MTIF2: variants seen among roughly 807,000 people sequenced by gnomAD.
The protein encoded by MTIF2 is translation initiation factor IF-2, mitochondrial.
Under a neutral mutation model 83.5 loss-of-function variants are expected in MTIF2, and 71 were observed. That is an observed-to-expected ratio of 0.85 (90% CI 0.70 to 1.04). MTIF2 has a LOEUF of 1.04. MTIF2 is among the 50% of genes least tolerant of loss of function. MTIF2 has a pLI of 0.00. For synonymous variants in MTIF2, 319 were observed against 287.1 expected, an observed-to-expected ratio of 1.11 and a Z score of -1.12; for missense variants, 957 against 846.5, an observed-to-expected ratio of 1.13 and a Z score of -1.62.
intron 4 of MTIF2, 61 bp from the exon 5 acceptor site, chr2:55,262,488 AT>A (rs376833396): frequency 1.0e-6 from 1 of 985,684 alleles, no homozygotes; most frequent in Non-Finnish European, 1.6e-6. Context: ...GACAATTTAG[AT>A]TTATTCTCAA....
chr2:55,265,717 A>G (rs1678380989), intron 3 of MTIF2, among the ~76,000 whole-genome samples: 1 of 152,034 alleles, frequency 6.6e-6, no homozygotes, highest in African/African-American at 2.4e-5. Context: ...GGTCATATTA[A>G]TTTTGTTTTA....
chr2:55,236,763 AT>A lies in MTIF2; in HGVS notation c.2068del (p.Met690TrpfsTer7). 6.2e-7 allele frequency: 1 copy of A among 1,611,098 alleles called. No homozygotes were observed. Among genetic ancestry groups the A allele is most frequent in the Non-Finnish European group, 8.5e-7 (1 of 1,179,208 alleles). On this transcript the variant is annotated frameshift_variant, in exon 16 of 16. Transcript: ENST00000263629. LOFTEE classifies it high-confidence loss of function. ...KDDISIVKTG[M>X]DCGLSLDEDN... Reference sequence around the variant, plus strand: ...TTCATCTAAACTGAGACCACAATCCATTCCCGTTTTGACAATTGAAATGTCA... The same window carrying A: ...TTCATCTAAACTGAGACCACAATCCATCCCGTTTTGACAATTGAAATGTCA...
chr2:55,262,398 A>G lies in MTIF2; in HGVS notation c.249T>C (p.Ser83=). The change falls in exon 5 of 16, where the codon TCT becomes TCC. Residue 83 remains serine, a synonymous_variant. Transcript: ENST00000263629. ...KEEGPWKSQL[S]STKSKKVVEV... ...CTACCACCTTTTTAGATTTTGTTGA[A>G]GATAACTGAGATTTCCATGGTCCTT... 1 of 1,613,160 alleles carries G rather than the reference A, an allele frequency of 6.2e-7. No homozygotes were observed. Among genetic ancestry groups the G allele is most frequent in the East Asian group, 2.2e-5 (1 of 44,818 alleles).
chr2:55,243,612 ACCTTTCT>A lies in MTIF2; in HGVS notation c.1361_1367del (p.Glu454ValfsTer5). 6.2e-7 allele frequency: 1 copy of A among 1,613,848 alleles called. No individual in the cohort carries two copies. Among genetic ancestry groups the A allele is most frequent in the Non-Finnish European group, 8.5e-7 (1 of 1,179,964 alleles). On this transcript the variant is annotated frameshift_variant, in exon 12 of 16. Coordinates refer to ENST00000263629, the MANE Select transcript of MTIF2 (RefSeq NM_002453.3). LOFTEE classifies it high-confidence loss of function. ...CTTCTATTATTTTCAGATCCTCCTG[ACCTTTCT>A]CCTGTTCTTGTTCATATTTCCTCCA... is the stretch of plus-strand genomic sequence containing the variant.
chr2:55,243,413 T>C lies in MTIF2; in HGVS notation c.1564+3A>G, dbSNP rs572187915. 1.0e-3 allele frequency: 1,628 copies of C among 1,589,826 alleles called. 23 individuals are homozygous for C. The South Asian group carries it at 0.018, about 17-fold the overall frequency. On this transcript the variant is annotated splice_donor_region_variant and intron_variant, in intron 12 of 15. Coordinates refer to ENST00000263629, the MANE Select transcript of MTIF2 (RefSeq NM_002453.3). ...CTGTAATGTAAAATCTTTAAAAAGA[T>C]ACCTTTAATAATCACAGAAAGTACA...
chr2:55,242,615 T>C (rs559818982), intron 13 of MTIF2, among the ~76,000 whole-genome samples: 8 of 152,062 alleles, frequency 5.3e-5, no homozygotes, highest in Non-Finnish European at 1.0e-4. Context: ...ATGAAAGATA[T>C]GAGAAATCAA....
intron 8 of MTIF2, among the ~76,000 whole-genome samples, chr2:55,251,562 G>A (rs955551860): frequency 3.3e-5 from 5 of 152,070 alleles, no homozygotes; most frequent in East Asian, 3.8e-4. Context: ...ACACTTTATC[G>A]AGTACATTTT....
chr2:55,262,169 C>T, intron 5 of MTIF2, 147 bp downstream of exon 5: 1 of 635,230 alleles, frequency 1.6e-6, no homozygotes, highest in Non-Finnish European at 2.8e-6. Context: ...GGGATTATGA[C>T]TTAAAGTGAA....
chr2:55,236,768 C>G lies in MTIF2; in HGVS notation c.2064G>C (p.Thr688=). The G allele has an allele frequency of 6.2e-7, 1 of 1,609,960 alleles. No homozygotes were observed. Among genetic ancestry groups the G allele is most frequent in the Non-Finnish European group, 8.5e-7 (1 of 1,178,910 alleles). The change falls in exon 16 of 16, where the codon ACG becomes ACC. Residue 688 remains threonine (T), a synonymous_variant. Transcript: ENST00000263629. ...HHKDDISIVK[T]GMDCGLSLDE... ...CTAAACTGAGACCACAATCCATTCC[C>G]GTTTTGACAATTGAAATGTCATCTT...
At chr2:55,267,069 C>T (rs1678491101) in intron 3 of MTIF2, among the ~76,000 whole-genome samples, 1 of 151,768 alleles carries the variant, frequency 6.6e-6, no homozygotes, top group Non-Finnish European at 1.5e-5. Context: ...CACGCCTAGC[C>T]TAAATGTTAC....
At position 55,236,611 on chromosome 2, in the gene MTIF2, A is replaced by AACAACAC. The variant is rs1675828062; in HGVS notation, c.*30_*36dup. 6.5e-7 allele frequency: 1 copy of AACAACAC among 1,536,368 alleles called. No individual in the cohort carries two copies. The highest frequency in any genetic ancestry group is 1.4e-5 in the African/African-American group (1 of 71,844). On this transcript the variant is annotated 3_prime_UTR_variant, in exon 16 of 16. Coordinates refer to ENST00000263629, the MANE Select transcript of MTIF2 (RefSeq NM_002453.3). ...AGTAGTGCATTTCTACCTTCAAACA[A>AACAACAC]ACAACACGTTGAGTTATTTACATTT... is the stretch of plus-strand genomic sequence containing the variant.
In MTIF2 at chr2:55,237,879, G is replaced by C. The variant is rs976764362; in HGVS notation, c.1871-451C>G. On this transcript the variant is annotated intron_variant, in intron 14 of 15. Coordinates refer to ENST00000263629, the MANE Select transcript of MTIF2 (RefSeq NM_002453.3). The stretch of plus-strand genomic sequence containing the variant: ...TTGGCCAGGCTGGTCTCAAACTCCT[G>C]ACCTCAAGTGATCCACCCACCTCAG... 3.3e-5 allele frequency among the ~76,000 whole-genome samples: 5 copies of C among 151,962 alleles called. No homozygotes were observed. The East Asian group carries it at 9.6e-4, about 29-fold the overall frequency.
intron 5 of MTIF2, 45 bp downstream of exon 5, chr2:55,262,271 C>T: frequency 7.5e-7 from 1 of 1,333,814 alleles, no homozygotes; most frequent in East Asian, 2.3e-5. Context: ...AATGCCCGGT[C>T]TTCCAACATT....
At chr2:55,236,928 T>G (rs759499913) in intron 15 of MTIF2, 108 bp from the exon 16 acceptor site, 28 of 953,848 alleles carry the variant, frequency 2.9e-5, no homozygotes, top group Non-Finnish European at 3.2e-5. Context: ...TCTTAAAAAT[T>G]TTATGGTCTT....
At chr2:55,242,497 G>A (rs1052230206) in intron 13 of MTIF2, among the ~76,000 whole-genome samples, 1 of 152,134 alleles carries the variant, frequency 6.6e-6, no homozygotes, top group Admixed American at 6.5e-5. Context: ...GCTGTAAAAA[G>A]ATACGATGTA....
intron 5 of MTIF2, among the ~76,000 whole-genome samples, chr2:55,257,126 T>C (rs1230977258): frequency 3.3e-5 from 5 of 152,202 alleles, no homozygotes; most frequent in African/African-American, 1.2e-4. Flanking sequence ...GATAATGAAA[T>C]AAGTAGTTTT....
chr2:55,239,995 T>C lies in MTIF2; in HGVS notation c.1870+16A>G, dbSNP rs1434228034. ...AATATACTAATTTTTAAAAGTAACA[T>C]TCAGTGATCACTCACCTACTGGGTG... On this transcript the variant is annotated intron_variant, in intron 14 of 15. Transcript: ENST00000263629. The C allele has an allele frequency of 2.5e-6, 4 of 1,589,236 alleles. No homozygotes were observed. The highest frequency in any genetic ancestry group is 3.4e-6 in the Non-Finnish European group (4 of 1,164,466).
At chr2:55,261,251 G>GT (rs34347639) in intron 5 of MTIF2, among the ~76,000 whole-genome samples, 105 of 152,248 alleles carry the variant, frequency 6.9e-4, no homozygotes, top group Non-Finnish European at 1.1e-3. Context: ...AATTACAGGC[G>GT]TGAGCCACCG....
intron 5 of MTIF2, among the ~76,000 whole-genome samples, chr2:55,255,237 C>A (rs541301108): frequency 2.0e-5 from 3 of 151,018 alleles, no homozygotes; most frequent in African/African-American, 7.3e-5. Context: ...TATAAAGTCA[C>A]CAAAACTATT....
Sources: gnomAD v4.1 joint callset for allele counts (sites outside exome capture counted in the v4.1 genomes callset) on GRCh38, gnomAD v4.1.1 for gene constraint, MANE v1.5 for transcripts, NCBI Gene and HGNC (gene_info 2026-07-23, HGNC 2026-07-21) for gene names.